Variants in ESR1 observed in about 807,000 individuals in gnomAD.
ESR1 encodes estrogen receptor 1.
A neutral mutation model predicts 52.7 loss-of-function variants in ESR1; 12 were observed. That is an observed-to-expected ratio of 0.23 (90% CI 0.15 to 0.37). ESR1 has a LOEUF of 0.37. Ranked by LOEUF, ESR1 falls within the 10% of genes least tolerant of loss-of-function variation. The pLI, the probability that ESR1 is intolerant of heterozygous loss-of-function variation, is 1.00. For synonymous variants in ESR1, 305 were observed against 316.8 expected, an observed-to-expected ratio of 0.96 and a Z score of 0.39; for missense variants, 584 against 779.7, an observed-to-expected ratio of 0.75 and a Z score of 2.99.
At chr6:151,927,126 T>C (rs1488587888) in intron 3 of ESR1, among the ~76,000 whole-genome samples, 1 of 152,192 alleles carries the variant, frequency 6.6e-6, no homozygotes, top group African/African-American at 2.4e-5. Flanking sequence ...CCGTTTTCAC[T>C]GTTAATGTGG....
intron 6 of ESR1, among the ~76,000 whole-genome samples, chr6:152,092,058 G>A (rs936444411): frequency 2.0e-5 from 3 of 152,148 alleles, no homozygotes; most frequent in African/African-American, 7.2e-5. Flanking sequence ...GAGAAGAGCT[G>A]AGGCCCTCCT....
chr6:151,850,975 C>G (rs1269633094), intron 2 of ESR1, among the ~76,000 whole-genome samples: 2 of 152,136 alleles, frequency 1.3e-5, no homozygotes, highest in Non-Finnish European at 2.9e-5. Flanking sequence ...CACATTGCCA[C>G]TCTATTAGTG....
intron 5 of ESR1, among the ~76,000 whole-genome samples, chr6:152,048,702 C>T (rs1181794167): frequency 6.6e-6 from 1 of 152,126 alleles, no homozygotes; most frequent in East Asian, 1.9e-4. Flanking sequence ...TTATGTCCCT[C>T]GTGCCTAACA....
At chr6:152,072,662 C>A (rs961533520) in intron 6 of ESR1, among the ~76,000 whole-genome samples, 54 of 152,348 alleles carry the variant, frequency 3.5e-4, no homozygotes, top group African/African-American at 1.2e-3. Context: ...AGATTCTCTG[C>A]AACAGAAAGC....
chr6:152,020,489 C>G (rs888322192), intron 5 of ESR1, among the ~76,000 whole-genome samples: 1 of 152,116 alleles, frequency 6.6e-6, no homozygotes, highest in African/African-American at 2.4e-5. Context: ...CTTGCTCTGT[C>G]ACCTAGACAG....
chr6:152,127,815 C>T (rs1310356774), exon 7 of ESR1: 1 of 152,144 alleles, frequency 6.6e-6, no homozygotes, highest in East Asian at 1.9e-4. Flanking sequence ...TAGTGAGGCC[C>T]TAGTGTACAT....
intron 2 of ESR1, among the ~76,000 whole-genome samples, chr6:151,705,067 G>A (rs1780084809): frequency 6.6e-6 from 1 of 151,914 alleles, no homozygotes; most frequent in Non-Finnish European, 1.5e-5. Flanking sequence ...ACTGTGAAAT[G>A]ATATTTGTAT....
chr6:152,011,856 A>T, intron 5 of ESR1, 62 bp downstream of exon 5: 1 of 1,570,026 alleles, frequency 6.4e-7, no homozygotes. Flanking sequence ...TCATTCATGA[A>T]ACTATTTTAT....
At chr6:151,828,510 A>T (rs1189362329) in intron 1 of ESR1, among the ~76,000 whole-genome samples, 1 of 152,220 alleles carries the variant, frequency 6.6e-6, no homozygotes, top group African/African-American at 2.4e-5. Context: ...AAGGATAAGC[A>T]CAGGCATGGC....
At chr6:151,947,712 C>G (rs1336911121) in intron 4 of ESR1, among the ~76,000 whole-genome samples, 3 of 152,138 alleles carry the variant, frequency 2.0e-5, no homozygotes, top group African/African-American at 7.2e-5. Context: ...TAGAATGCAT[C>G]ATACAAGTGT....
At chr6:152,002,777 G>A (rs534777536) in intron 4 of ESR1, among the ~76,000 whole-genome samples, 3 of 152,104 alleles carry the variant, frequency 2.0e-5, no homozygotes, top group South Asian at 4.2e-4. Flanking sequence ...AAAAGAAGCT[G>A]TGGTTAATAC....
At chr6:152,038,196 G>GA (rs2045479040) in intron 5 of ESR1, among the ~76,000 whole-genome samples, 1 of 151,948 alleles carries the variant, frequency 6.6e-6, no homozygotes, top group African/African-American at 2.4e-5. Flanking sequence ...ATCCGTCATG[G>GA]GAGAAAGATG....
chr6:151,781,032 A>G (rs1245546763), intron 2 of ESR1, among the ~76,000 whole-genome samples: 2 of 152,242 alleles, frequency 1.3e-5, no homozygotes, highest in Admixed American at 1.3e-4. Context: ...TTGCTTTCAA[A>G]CTATACATTT....
chr6:152,011,611 G>A (rs377172494), intron 4 of ESR1, 45 bp from the exon 5 acceptor site: 9 of 1,611,840 alleles, frequency 5.6e-6, no homozygotes, highest in Non-Finnish European at 7.6e-6. Flanking sequence ...CCAGTAATGA[G>A]TCTTTTTCAT....
rs1382387700 is a variant in ESR1, at chr6:152,100,010, G to A, written c.*1044G>A. The A allele has an allele frequency of 7.5e-6, 3 of 398,742 alleles. No individual in the cohort carries two copies. The highest frequency in any genetic ancestry group is 1.3e-5 in the Non-Finnish European group (3 of 226,182). 24.7% of individuals were successfully genotyped at this position (398,742 alleles called of 1,614,324 possible). A position where few individuals can be genotyped will look rare whatever the true frequency, so the allele number is the denominator to read the frequency against. On this transcript the variant is annotated 3_prime_UTR_variant, in exon 8 of 8. Coordinates refer to ENST00000206249, the MANE Select transcript of ESR1 (RefSeq NM_000125.4). ...TGAACAGTACTTGTGCAGGATTGTTGTGGCTACTAGAGAACAAGAGGGAAA... is the reference window on the plus strand; with the variant it reads ...TGAACAGTACTTGTGCAGGATTGTTATGGCTACTAGAGAACAAGAGGGAAA...
exon 7 of ESR1, chr6:152,128,025 G>T (rs1207232090): frequency 6.6e-6 from 1 of 152,168 alleles, no homozygotes; most frequent in Non-Finnish European, 1.5e-5. Context: ...GCTTTAGAAT[G>T]AAGTCATCAA....
At position 151,808,005 on chromosome 6, in the gene ESR1, C is replaced by G. The variant is rs1358381466; in HGVS notation, c.93C>G (p.Leu31=). 2.5e-6 allele frequency: 4 copies of G among 1,613,810 alleles called. No homozygotes were observed. Among genetic ancestry groups the G allele is most frequent in the Admixed American group, 1.7e-5 (1 of 60,008 alleles). The part of the protein sequence containing the change: ...NELEPLNRPQ[L]KIPLERPLGE... ...TGGAGCCCCTGAACCGTCCGCAGCT[C>G]AAGATCCCCCTGGAGCGGCCCCTGG... The change falls in exon 1 of 8, where the codon CTC becomes CTG. Residue 31 remains leucine (L), a synonymous_variant. Coordinates refer to ENST00000206249, the MANE Select transcript of ESR1 (RefSeq NM_000125.4).
rs144649701 is a variant in ESR1, at chr6:152,023,535, G to A, written c.1235+11741G>A. On this transcript the variant is annotated intron_variant, in intron 5 of 7. Coordinates refer to ENST00000206249, the MANE Select transcript of ESR1 (RefSeq NM_000125.4). ...AAAAAAATTTCTTGATAATCACAATGCCATTCTCATACCAAATAAACTTAT... is the reference window on the plus strand; with the variant it reads ...AAAAAAATTTCTTGATAATCACAATACCATTCTCATACCAAATAAACTTAT... Among the ~76,000 whole-genome samples the A allele has an allele frequency of 3.1e-3, 466 of 152,226 alleles. 6 individuals carry two copies. The highest frequency in any genetic ancestry group is 0.011 in the African/African-American group (441 of 41,538).
At position 151,974,558 on chromosome 6, in the gene ESR1, A is replaced by G. The variant is rs1019625359; in HGVS notation, c.1096+30050A>G. Among the ~76,000 whole-genome samples, 7 of 152,202 alleles carry G rather than the reference A, an allele frequency of 4.6e-5. No homozygotes were observed. In the East Asian group the frequency reaches 1.3e-3, roughly 29 times the overall value. The stretch of plus-strand genomic sequence containing the variant: ...ACATTTCAACTCCGTTCCATGCCAA[A>G]TTACATTAAAACTGGGCCTCAGCTT... On this transcript the variant is annotated intron_variant, in intron 4 of 7. Transcript: ENST00000206249.
Sources: gnomAD v4.1 joint callset for allele counts (sites outside exome capture counted in the v4.1 genomes callset) on GRCh38, gnomAD v4.1.1 for gene constraint, MANE v1.5 for transcripts, NCBI Gene and HGNC (gene_info 2026-07-23, HGNC 2026-07-21) for gene names.